CARD18: variants seen among roughly 807,000 people sequenced by gnomAD.
CARD18 encodes the protein caspase recruitment domain-containing protein 18.
In CARD18, 7 loss-of-function variants were observed where a neutral mutation model predicts 7.9. The observed-to-expected ratio is 0.88, with a 90% CI of 0.50 to 1.66. The LOEUF (loss-of-function observed/expected upper bound fraction) is 1.66, where lower values mean the gene tolerates loss of function less well. CARD18 is among the 40% of genes most tolerant of loss of function. The probability of loss-of-function intolerance (pLI) is 0.00; values close to 1 mark genes in which losing one functional copy is unlikely to be tolerated. For synonymous variants in CARD18, 34 were observed against 34.8 expected (o/e 0.98, Z 0.08); for missense variants, 134 against 105.5 (o/e 1.27, Z -1.18).
chr11:105,139,585 C>T, intron 1 of CARD18, 135 bp downstream of exon 1: 1 of 903,224 alleles, frequency 1.1e-6, no homozygotes, highest in Non-Finnish European at 1.7e-6. Flanking sequence ...ATCTTCCCAC[C>T]CTGCCTCTCC....
In CARD18 at chr11:105,139,737, G is replaced by A. The variant is rs1235564727; in HGVS notation, c.-11C>T. Reference sequence around the variant, plus strand: ...AGACTCACCAGCCATGGCTCCTCACGTTGGCACTTGCAATGTGTGTTACAC... The same window carrying A: ...AGACTCACCAGCCATGGCTCCTCACATTGGCACTTGCAATGTGTGTTACAC... On this transcript the variant is annotated 5_prime_UTR_variant, in exon 1 of 3. In the 5' UTR this introduces an upstream ATG that the reference lacks. Transcript: ENST00000530950. The A allele has an allele frequency of 3.8e-6, 6 of 1,598,864 alleles. No individual in the cohort carries two copies. The highest frequency in any genetic ancestry group is 1.7e-4 in the Middle Eastern group (1 of 6,054).
chr11:105,139,463 C>A, intron 1 of CARD18: 1 of 566,584 alleles, frequency 1.8e-6, no homozygotes, highest in Non-Finnish European at 3.1e-6. Flanking sequence ...TCCTGAACTA[C>A]ATAACTCTTC....
rs537958477 is a variant in CARD18, at chr11:105,138,000, A to G, written c.*100T>C. 2.0e-5 allele frequency: 3 copies of G among 152,294 alleles called. No individual in the cohort carries two copies. The East Asian group carries it at 5.8e-4, about 29-fold the overall frequency. 9.4% of individuals were successfully genotyped at this position (152,294 alleles called of 1,614,324 possible). A position where few individuals can be genotyped will look rare whatever the true frequency, so the allele number is the denominator to read the frequency against. ...GAAATTAATCAGGTTTGAAAAAAGC[A>G]CTGTTGTTTTGTTTTGTTTTTTTCT... is the stretch of plus-strand genomic sequence containing the variant. On this transcript the variant is annotated 3_prime_UTR_variant, in exon 3 of 3. Transcript: ENST00000530950.
chr11:105,138,846 G>A lies in CARD18; in HGVS notation c.240C>T (p.Asp80=). The A allele has an allele frequency of 6.2e-7, 1 of 1,613,696 alleles. No individual in the cohort carries two copies. Among genetic ancestry groups the A allele is most frequent in the Non-Finnish European group, 8.5e-7 (1 of 1,179,678 alleles). ...CKFIKHLCEE[D]PQLASKMGLH is the part of the protein sequence containing the mutation. ...AACCCATCTTTGAGGCAAGTTGAGG[G>A]TCTTCTTCACAGAGATGCTTGATAA... Residue 80 remains aspartate (D), a synonymous_variant, in exon 2 of 3, where the codon GAC becomes GAT. Coordinates refer to ENST00000530950, the MANE Select transcript of CARD18 (RefSeq NM_021571.4).
chr11:105,139,497 T>C, intron 1 of CARD18: 3 of 576,944 alleles, frequency 5.2e-6, no homozygotes, highest in Non-Finnish European at 9.3e-6. Flanking sequence ...ACTAGCAAAA[T>C]TATAGCAGAT....
intron 2 of CARD18, among the ~76,000 whole-genome samples, chr11:105,138,464 T>C (rs1251242710): frequency 6.6e-6 from 1 of 152,074 alleles, no homozygotes; most frequent in Non-Finnish European, 1.5e-5. Flanking sequence ...AATAAATACA[T>C]GGGCTTCTTA....
chr11:105,139,411 T>A (rs1347738090), intron 1 of CARD18: 1 of 537,446 alleles, frequency 1.9e-6, no homozygotes, highest in Admixed American at 3.5e-5. Context: ...CTGTTTCCTT[T>A]GAGAACAACA....
At chr11:105,138,757 C>G in intron 2 of CARD18, 55 bp downstream of exon 2, 2 of 1,575,114 alleles carry the variant, frequency 1.3e-6, no homozygotes, top group Non-Finnish European at 1.7e-6. Flanking sequence ...AAAATCATAA[C>G]TGAATTCAAG....
In CARD18 at chr11:105,138,718, C is replaced by G. The variant is rs988614678; in HGVS notation, c.*1+94G>C. The G allele has an allele frequency of 3.7e-6, 5 of 1,355,142 alleles. No homozygotes were observed. In the African/African-American group the frequency reaches 4.4e-5, roughly 12 times the overall value. The allele number at this position is 1,355,142 out of a possible 1,614,324, so 83.9% of individuals were successfully genotyped here. Reference sequence around the variant, plus strand: ...AGTCTGAGGCTAAAATGATAGGAACCCTATTATCAACTGACAAGACAAGTG... The same window carrying G: ...AGTCTGAGGCTAAAATGATAGGAACGCTATTATCAACTGACAAGACAAGTG... On this transcript the variant is annotated intron_variant, in intron 2 of 2. Transcript: ENST00000530950.
At chr11:105,138,583 T>C (rs1025323847) in intron 2 of CARD18, among the ~76,000 whole-genome samples, 1 of 151,992 alleles carries the variant, frequency 6.6e-6, no homozygotes, top group Non-Finnish European at 1.5e-5. Context: ...ACCACCTACA[T>C]AGAATTAGAG....
Position 105,137,911 on chromosome 11 carries a change from T to C in CARD18, c.*189A>G, listed in dbSNP as rs1328017365. ...TTATTGATGAATTATCCTCTGTTGGTATGAGGAGAGAAAGAATAAGAAGAA... is the reference window on the plus strand; with the variant it reads ...TTATTGATGAATTATCCTCTGTTGGCATGAGGAGAGAAAGAATAAGAAGAA... On this transcript the variant is annotated 3_prime_UTR_variant, in exon 3 of 3. Coordinates refer to ENST00000530950, the MANE Select transcript of CARD18 (RefSeq NM_021571.4). The C allele has an allele frequency of 6.6e-6, 1 of 152,136 alleles. No individual in the cohort carries two copies. Among genetic ancestry groups the C allele is most frequent in the Non-Finnish European group, 1.5e-5 (1 of 68,032 alleles). The allele number at this position is 152,136 out of a possible 1,614,324, so 9.4% of individuals were successfully genotyped here.
rs561553897 is a variant in CARD18, at chr11:105,138,553, A to G, written c.*1+259T>C. Among the ~76,000 whole-genome samples the G allele has an allele frequency of 1.1e-3, 170 of 152,204 alleles. 2 individuals carry two copies. In the South Asian group the frequency reaches 0.034, roughly 30 times the overall value. ...AGGATAAAACATCTAGGCTCTTTAA[A>G]TGAACTACAGTAATGATCTACCACC... On this transcript the variant is annotated intron_variant, in intron 2 of 2. Coordinates refer to ENST00000530950, the MANE Select transcript of CARD18 (RefSeq NM_021571.4).
chr11:105,139,309 C>G, intron 1 of CARD18: 1 of 563,982 alleles, frequency 1.8e-6, no homozygotes, highest in Non-Finnish European at 3.1e-6. Flanking sequence ...CTGTGAATCT[C>G]CTAAAAATCA....
chr11:105,139,235 C>T, intron 1 of CARD18, 157 bp from the exon 2 acceptor site: 1 of 759,782 alleles, frequency 1.3e-6, no homozygotes, highest in Non-Finnish European at 2.1e-6. Flanking sequence ...GTACTTCCTT[C>T]TGATTCTAGC....
intron 2 of CARD18, 47 bp downstream of exon 2, chr11:105,138,765 A>C: frequency 1.3e-6 from 2 of 1,590,502 alleles, no homozygotes; most frequent in Non-Finnish European, 1.7e-6. Context: ...AACTGAATTC[A>C]AGATACAGGG....
intron 2 of CARD18, among the ~76,000 whole-genome samples, chr11:105,138,345 T>C (rs962399469): frequency 6.6e-6 from 1 of 152,158 alleles, no homozygotes; most frequent in Non-Finnish European, 1.5e-5. Flanking sequence ...ACACACTCAA[T>C]TTATTCTTTG....
Position 105,137,869 on chromosome 11 carries a change from C to CATGTAATA in CARD18, c.*230_*231insTATTACAT, listed in dbSNP as rs1865425011. 1 of 152,082 alleles carries CATGTAATA rather than the reference C, an allele frequency of 6.6e-6. No homozygotes were observed. 9.4% of individuals were successfully genotyped at this position (152,082 alleles called of 1,614,324 possible). On this transcript the variant is annotated 3_prime_UTR_variant, in exon 3 of 3. Coordinates refer to ENST00000530950, the MANE Select transcript of CARD18 (RefSeq NM_021571.4). ...GGGACTTTCTTAATTACATTACAAT[C>CATGTAATA]ATCATGACCTTCATTATTATTGATG...
At chr11:105,138,649 G>A (rs968443528) in intron 2 of CARD18, among the ~76,000 whole-genome samples, 163 bp downstream of exon 2, 12 of 152,226 alleles carry the variant, frequency 7.9e-5, no homozygotes, top group African/African-American at 2.6e-4. Context: ...ACACAAAAAC[G>A]TAGACAGAAG....
intron 1 of CARD18, 57 bp from the exon 2 acceptor site, chr11:105,139,135 T>C (rs1215969487): frequency 7.7e-6 from 12 of 1,549,356 alleles, no homozygotes; most frequent in Non-Finnish European, 8.8e-6. Flanking sequence ...TCCCTCTCAA[T>C]TTACCAACAG....
Sources: gnomAD v4.1 joint callset for allele counts (sites outside exome capture counted in the v4.1 genomes callset) on GRCh38, gnomAD v4.1.1 for gene constraint, MANE v1.5 for transcripts, NCBI Gene and HGNC (gene_info 2026-07-23, HGNC 2026-07-21) for gene names.